MICAL2: variants seen among roughly 807,000 people sequenced by gnomAD.
The protein encoded by MICAL2 is microtubule associated monooxygenase, calponin and LIM domain containing 2, also known as [F-actin]-monooxygenase MICAL2.
Under a neutral mutation model 127.3 loss-of-function variants are expected in MICAL2, and 77 were observed. That is an observed-to-expected ratio of 0.60 (90% CI 0.50 to 0.73). MICAL2 has a LOEUF of 0.73. Ranked by LOEUF, MICAL2 falls within the 30% of genes least tolerant of loss-of-function variation. The probability of loss-of-function intolerance (pLI) is 0.00; values close to 1 mark genes in which losing one functional copy is unlikely to be tolerated. For synonymous variants in MICAL2, 570 were observed against 551.1 expected (o/e 1.03, Z -0.48); for missense variants, 1,351 against 1,434.4 (o/e 0.94, Z 0.94).
At chr11:12,111,777 AGCCAGAGGCGAATTG>A (rs1849626161) in intron 1 of MICAL2, among the ~76,000 whole-genome samples, 1 of 152,166 alleles carries the variant, frequency 6.6e-6, no homozygotes, top group Non-Finnish European at 1.5e-5. Context: ...ACGGGAGAAA[AGCCAGAGGCGAATTG>A]GCCCTCCAGT....
chr11:12,179,680 G>T (rs1037707077), intron 3 of MICAL2, among the ~76,000 whole-genome samples: 1 of 152,168 alleles, frequency 6.6e-6, no homozygotes, highest in Non-Finnish European at 1.5e-5. Flanking sequence ...CTTCAGGCTG[G>T]CCCCACCCAA....
chr11:12,177,544 T>C (rs991835081), intron 3 of MICAL2, among the ~76,000 whole-genome samples: 3 of 152,224 alleles, frequency 2.0e-5, no homozygotes, highest in Admixed American at 2.0e-4. Flanking sequence ...TCCTGTGGCT[T>C]TGGTGTCATA....
At chr11:12,200,501 G>A (rs913547564) in intron 3 of MICAL2, among the ~76,000 whole-genome samples, 4 of 152,208 alleles carry the variant, frequency 2.6e-5, no homozygotes, top group African/African-American at 9.7e-5. Flanking sequence ...CCAGAACACC[G>A]AGTTCCCATA....
chr11:12,194,467 A>G (rs1444509278), intron 3 of MICAL2, among the ~76,000 whole-genome samples: 5 of 152,178 alleles, frequency 3.3e-5, no homozygotes, highest in Non-Finnish European at 5.9e-5. Flanking sequence ...AAAAGAGAAA[A>G]TGGCAGAAAT....
At chr11:12,294,819 C>CTCCTCCTCCTCT (rs1301069637), downstream of MICAL2, 1 of 1,514,508 alleles carries the variant, frequency 6.6e-7, no homozygotes, top group African/African-American at 1.4e-5. Flanking sequence ...CCTCCTCCTC[C>CTCCTCCTCCTCT]TCCTCCTCCT....
chr11:12,290,135 C>G (rs1863878250), downstream of MICAL2, among the ~76,000 whole-genome samples: 1 of 152,200 alleles, frequency 6.6e-6, no homozygotes, highest in Admixed American at 6.5e-5. Flanking sequence ...GCTTGAATGG[C>G]AGCCCAGGGA....
At chr11:12,333,424 C>T (rs754751615) in intron 32 of MICAL2, among the ~76,000 whole-genome samples, 9 of 151,526 alleles carry the variant, frequency 5.9e-5, no homozygotes, top group South Asian at 2.1e-4. Flanking sequence ...CAAAACCATG[C>T]GGCAAACATC....
chr11:12,236,890 G>A (rs147134673), intron 16 of MICAL2, among the ~76,000 whole-genome samples: 84 of 152,326 alleles, frequency 5.5e-4, no homozygotes, highest in Non-Finnish European at 9.8e-4. Context: ...CATGCATATT[G>A]TCAGCGAAGT....
intron 17 of MICAL2, among the ~76,000 whole-genome samples, chr11:12,240,629 A>T (rs1289191142): frequency 6.6e-6 from 1 of 152,190 alleles, no homozygotes; most frequent in African/African-American, 2.4e-5. Flanking sequence ...TGAGGGCTCC[A>T]TTCCATCAGA....
At chr11:12,214,773 T>C (rs1214315745) in intron 7 of MICAL2, among the ~76,000 whole-genome samples, 2 of 152,246 alleles carry the variant, frequency 1.3e-5, no homozygotes, top group Non-Finnish European at 2.9e-5. Flanking sequence ...TGAGAGATCA[T>C]GAAAGAGACC....
At chr11:12,141,013 G>A (rs1425127108) in intron 2 of MICAL2, among the ~76,000 whole-genome samples, 2 of 152,176 alleles carry the variant, frequency 1.3e-5, no homozygotes, top group Non-Finnish European at 2.9e-5. Context: ...GGCAAGGGCT[G>A]GAGAAACAAC....
At chr11:12,194,065 A>T (rs1859553586) in intron 3 of MICAL2, among the ~76,000 whole-genome samples, 1 of 152,216 alleles carries the variant, frequency 6.6e-6, no homozygotes. Flanking sequence ...AGACACCTTT[A>T]CTGACCTCAA....
chr11:12,330,586 C>T (rs1864404454), intron 32 of MICAL2, among the ~76,000 whole-genome samples: 1 of 152,092 alleles, frequency 6.6e-6, no homozygotes, highest in African/African-American at 2.4e-5. Context: ...GCAATGATGG[C>T]TGATGAGCAA....
chr11:12,168,365 C>T (rs1441229311), intron 3 of MICAL2, among the ~76,000 whole-genome samples: 1 of 151,414 alleles, frequency 6.6e-6, no homozygotes, highest in Non-Finnish European at 1.5e-5. Context: ...CAAATACACA[C>T]ATACACACAC....
Position 12,258,498 on chromosome 11 carries a change from A to G in MICAL2, c.3173A>G (p.His1058Arg). ...GKFYCKPHFI[H>R]CKTNSKQRKR... ...TTTTACTGCAAGCCTCACTTCATTC[A>G]CTGTAAAACCAATAGCAAACAACGG... The change falls in exon 25 of 28, where the codon CAC (histidine) becomes CGC (arginine). Residue 1058 changes from histidine (H) to arginine (R), a missense_variant. Physicochemically the swap from His to Arg is conservative, Grantham distance 29. Around this residue, in one of 2 missense-constraint regions of MICAL2, gnomAD observed 752 missense variants for 719.4 expected, o/e 1.05. Transcript: ENST00000683283. 1.2e-6 allele frequency: 2 copies of G among 1,614,174 alleles called. No homozygotes were observed. The highest frequency in any genetic ancestry group is 1.3e-5 in the African/African-American group (1 of 75,060).
At chr11:12,339,294 G>T (rs945583483) in intron 32 of MICAL2, among the ~76,000 whole-genome samples, 1 of 152,190 alleles carries the variant, frequency 6.6e-6, no homozygotes, top group Non-Finnish European at 1.5e-5. Flanking sequence ...GTGGTTTTCA[G>T]CTCCATCAGG....
intron 3 of MICAL2, among the ~76,000 whole-genome samples, chr11:12,166,977 G>A (rs1036177101): frequency 1.4e-4 from 21 of 152,090 alleles, no homozygotes; most frequent in African/African-American, 4.3e-4. Flanking sequence ...GGTGAAAGCC[G>A]GAGAGAACAG....
chr11:12,211,408 A>C (rs1014139728), intron 6 of MICAL2, among the ~76,000 whole-genome samples: 1 of 152,208 alleles, frequency 6.6e-6, no homozygotes, highest in African/African-American at 2.4e-5. Context: ...AACAAAAAAA[A>C]CCCCAAGGTT....
intron 3 of MICAL2, among the ~76,000 whole-genome samples, chr11:12,180,365 G>T (rs1162326772): frequency 2.3e-5 from 3 of 132,760 alleles, no homozygotes; most frequent in Non-Finnish European, 4.9e-5. Flanking sequence ...TTTTTGGCAG[G>T]AAGGTTTCCC....
Sources: allele counts gnomAD v4.1 joint callset (sites outside exome capture counted in the v4.1 genomes callset), GRCh38; gene constraint gnomAD v4.1.1; regional missense constraint gnomAD v4.1.1; transcripts MANE v1.5; gene names NCBI Gene and HGNC (gene_info 2026-07-23, HGNC 2026-07-21).